The following CCDC42 variants were observed in gnomAD, a reference collection of about 807,000 sequenced individuals.
CCDC42 encodes the protein coiled-coil domain containing 42, also known as coiled-coil domain-containing protein 42.
In CCDC42, 38 loss-of-function variants were observed where a neutral mutation model predicts 40.8. The observed-to-expected ratio is 0.93, with a 90% CI of 0.72 to 1.22. CCDC42 has a LOEUF of 1.22. Among genes scored for constraint, CCDC42 ranks in the 50% most tolerant of loss-of-function variants. The probability of loss-of-function intolerance (pLI) is 0.00; values close to 1 mark genes in which losing one functional copy is unlikely to be tolerated. For synonymous variants in CCDC42, 135 were observed against 157.5 expected (o/e 0.86, Z 1.07); for missense variants, 379 against 416.5 (o/e 0.91, Z 0.78).
intron 4 of CCDC42, 106 bp downstream of exon 4, chr17:8,741,368 C>G (rs771241992): frequency 1.7e-6 from 2 of 1,166,802 alleles, no homozygotes; most frequent in Non-Finnish European, 2.5e-6. Flanking sequence ...GGTCCACAGT[C>G]CCCAGCCAGC....
Position 8,735,683 on chromosome 17 carries a change from C to A in CCDC42, c.493-72G>T. On this transcript the variant is annotated intron_variant, in intron 4 of 6. Coordinates refer to ENST00000293845, the MANE Select transcript of CCDC42 (RefSeq NM_144681.3). This position sits in a 1 kb window ranked among gnomAD's most constrained non-coding sequence, Gnocchi z 4.7. ...GAGGGAGCCACCCAGTCCTGCCAAC[C>A]TCCAGCCTGGATGCCTGGACACCTG... 1 of 1,339,790 alleles carries A rather than the reference C, an allele frequency of 7.5e-7. No individual in the cohort carries two copies. Among genetic ancestry groups the A allele is most frequent in the African/African-American group, 1.5e-5 (1 of 68,536 alleles). The allele number at this position is 1,339,790 out of a possible 1,614,324, so 83.0% of individuals were successfully genotyped here.
intron 3 of CCDC42, among the ~76,000 whole-genome samples, chr17:8,743,303 A>G (rs576000417): frequency 6.6e-6 from 1 of 152,268 alleles, no homozygotes; most frequent in African/African-American, 2.4e-5. Context: ...GTATTTCCCA[A>G]GTGTTTAGTC....
Position 8,730,111 on chromosome 17 carries a change from C to G in CCDC42, c.*19G>C. ...TTCACGATCTCTGTCTCAGGACATT[C>G]TGGAACAAGGCTGCCTCCTTAAATC... On this transcript the variant is annotated 3_prime_UTR_variant, in exon 7 of 7. Transcript: ENST00000293845. 1 of 1,612,118 alleles carries G rather than the reference C, an allele frequency of 6.2e-7. No individual in the cohort carries two copies. Among genetic ancestry groups the G allele is most frequent in the Non-Finnish European group, 8.5e-7 (1 of 1,178,302 alleles).
At chr17:8,741,367 TC>T in intron 4 of CCDC42, 106 bp downstream of exon 4, 2 of 1,152,874 alleles carry the variant, frequency 1.7e-6, no homozygotes, top group East Asian at 2.4e-5. Context: ...GGGTCCACAG[TC>T]CCCAGCCAGC....
At chr17:8,732,403 G>A (rs2086586951) in intron 6 of CCDC42, among the ~76,000 whole-genome samples, 2 of 151,418 alleles carry the variant, frequency 1.3e-5, no homozygotes, top group Admixed American at 1.3e-4. Flanking sequence ...TTTCAAGGCT[G>A]TCTCTGGAGA....
intron 6 of CCDC42, among the ~76,000 whole-genome samples, chr17:8,733,799 A>G (rs771335475): frequency 2.0e-5 from 3 of 152,162 alleles, no homozygotes; most frequent in Non-Finnish European, 4.4e-5. Context: ...CTCCCACTGC[A>G]TCTTTCTTTA....
chr17:8,744,012 C>T, intron 2 of CCDC42, 67 bp downstream of exon 2: 2 of 1,248,260 alleles, frequency 1.6e-6, no homozygotes, highest in East Asian at 2.3e-5. Context: ...TGTCCACAGG[C>T]TCTCCCAGAG....
Position 8,735,493 on chromosome 17 carries a change from G to A in CCDC42, c.611C>T (p.Ala204Val), listed in dbSNP as rs1008726041. Reference protein sequence around the residue: ...EKIERAKARLARYMEEKDDEI... With the variant: ...EKIERAKARLVRYMEEKDDEI... ...ATCATCCTTTTCCTCCATGTAGCGC[G>A]CCAGCCGGGCCTTGGCGCGCTCAAT... Residue 204 changes from alanine (A) to valine (V), a missense_variant, in exon 5 of 7, where the codon GCG becomes GTG. Coordinates refer to ENST00000293845, the MANE Select transcript of CCDC42 (RefSeq NM_144681.3). The surrounding 1 kb of genome is among the most constrained non-coding windows in gnomAD (Gnocchi z 4.7). 5.6e-6 allele frequency: 9 copies of A among 1,613,918 alleles called. No homozygotes were observed. In the African/African-American group the frequency reaches 6.7e-5, roughly 12 times the overall value.
intron 4 of CCDC42, among the ~76,000 whole-genome samples, chr17:8,740,359 G>T (rs1175282938): frequency 3.3e-5 from 5 of 151,990 alleles, no homozygotes; most frequent in Admixed American, 1.3e-4. Flanking sequence ...GTGATGGCGG[G>T]TGCCTATAAT....
intron 3 of CCDC42, among the ~76,000 whole-genome samples, chr17:8,742,034 T>C (rs1439388226): frequency 6.6e-6 from 1 of 151,910 alleles, no homozygotes; most frequent in Admixed American, 6.6e-5. Flanking sequence ...AAGACCTACA[T>C]TGCACTGGGC....
In CCDC42 at chr17:8,735,369, G is replaced by A. The variant is rs374987425; in HGVS notation, c.714+21C>T. ...ACTCACCCAGTGCCTGGGAGCCCCC[G>A]GCCCGCCCCGGGCCCCTCACCCAGA... On this transcript the variant is annotated intron_variant, in intron 5 of 6. Coordinates refer to ENST00000293845, the MANE Select transcript of CCDC42 (RefSeq NM_144681.3). The surrounding 1 kb of genome is among the most constrained non-coding windows in gnomAD (Gnocchi z 4.7). 1.4e-4 allele frequency: 232 copies of A among 1,613,086 alleles called. No individual in the cohort carries two copies. The Middle Eastern group carries it at 2.0e-3, about 14-fold the overall frequency.
chr17:8,736,563 C>G (rs1215902995), intron 4 of CCDC42, among the ~76,000 whole-genome samples: 1 of 152,262 alleles, frequency 6.6e-6, no homozygotes, highest in Admixed American at 6.5e-5. Context: ...CCAGGGGAAA[C>G]TTCCCGAGCA....
chr17:8,744,186 T>C lies in CCDC42; in HGVS notation c.84-2A>G. 21 of 1,610,618 alleles carry C rather than the reference T, an allele frequency of 1.3e-5. No individual in the cohort carries two copies. Among genetic ancestry groups the C allele is most frequent in the Non-Finnish European group, 1.8e-5 (21 of 1,177,378 alleles). ...GCCCCCTCAACATTGGGGAGTTTCC[T>C]GTCCAAGATGTGAACGCGAGAGGGC... On this transcript the variant is annotated splice_acceptor_variant, in intron 1 of 6. Coordinates refer to ENST00000293845, the MANE Select transcript of CCDC42 (RefSeq NM_144681.3). LOFTEE classifies it high-confidence loss of function.
At chr17:8,744,209 G>A (rs1337736356) in intron 1 of CCDC42, 25 bp from the exon 2 acceptor site, 1 of 1,571,594 alleles carries the variant, frequency 6.4e-7, no homozygotes, top group Admixed American at 1.7e-5. Flanking sequence ...AACGCGAGAG[G>A]GCTGTGTGTT....
Position 8,744,154 on chromosome 17 carries a change from C to T in CCDC42, c.114G>A (p.Glu38=), listed in dbSNP as rs763830364. ...QKLPNVEGAS[E]SPSIWLLEKK... is the part of the protein sequence containing the mutation. ...TCTCCAGTAGCCAGATGGATGGGGA[C>T]TCCGACGCCCCCTCAACATTGGGGA... The change falls in exon 2 of 7, where the codon GAG becomes GAA. Residue 38 remains glutamate, a synonymous_variant. Transcript: ENST00000293845. 1.9e-6 allele frequency: 3 copies of T among 1,613,918 alleles called. No homozygotes were observed. Among genetic ancestry groups the T allele is most frequent in the Non-Finnish European group, 1.7e-6 (2 of 1,179,914 alleles).
At chr17:8,738,464 ATTTTTT>A (rs60710929) in intron 4 of CCDC42, among the ~76,000 whole-genome samples, 3 of 139,652 alleles carry the variant, frequency 2.1e-5, no homozygotes, top group African/African-American at 2.7e-5. Context: ...ATGATTTGAG[ATTTTTT>A]TTTTTTTTTT....
In CCDC42 at chr17:8,732,316, A is replaced by C. The variant is rs985540987; in HGVS notation, c.874-2109T>G. On this transcript the variant is annotated intron_variant, in intron 6 of 6. Transcript: ENST00000293845. ...TCCGTCTCAAAAAAAAAAAAAAAAA[A>C]AAAAAAACCTGCTCGTGTACTCCTG... Among the ~76,000 whole-genome samples, 25 of 148,590 alleles carry C rather than the reference A, an allele frequency of 1.7e-4. 1 individual carries two copies. The highest frequency in any genetic ancestry group is 3.3e-4 in the Admixed American group (5 of 15,000).
At chr17:8,734,866 G>A (rs968562301) in intron 6 of CCDC42, among the ~76,000 whole-genome samples, 4 of 152,188 alleles carry the variant, frequency 2.6e-5, no homozygotes, top group African/African-American at 9.7e-5. Flanking sequence ...CGTCACTTGG[G>A]AACTTGCTGA....
chr17:8,734,857 G>A (rs747175742), intron 6 of CCDC42, among the ~76,000 whole-genome samples: 3 of 152,178 alleles, frequency 2.0e-5, no homozygotes, highest in African/African-American at 7.2e-5. Flanking sequence ...AACCAGCAGC[G>A]TCACTTGGGA....
Sources: gnomAD v4.1 joint callset for allele counts (sites outside exome capture counted in the v4.1 genomes callset) on GRCh38, gnomAD v4.1.1 for gene constraint, Gnocchi (gnomAD v3.1) non-coding constraint, MANE v1.5 for transcripts, NCBI Gene and HGNC (gene_info 2026-07-23, HGNC 2026-07-21) for gene names.